Variants in NTM observed in about 807,000 individuals in gnomAD.
NTM encodes the protein IgLON family member 2.
In NTM, 13 loss-of-function variants were observed where a neutral mutation model predicts 42.1. The ratio of observed to expected loss-of-function variants is 0.31; its 90% CI spans 0.20 to 0.49. The LOEUF is 0.49. NTM is among the 20% of genes least tolerant of loss of function. The pLI is 0.99. For synonymous variants in NTM, 187 were observed against 179.2 expected (o/e 1.04, Z -0.35); for missense variants, 373 against 452.8 (o/e 0.82, Z 1.60).
intron 1 of NTM, among the ~76,000 whole-genome samples, chr11:131,457,523 T>C: frequency 6.6e-6 from 1 of 152,158 alleles, no homozygotes; most frequent in South Asian, 2.1e-4. Context: ...TTATTCCATT[T>C]GCCGAAAGGA....
intron 1 of NTM, among the ~76,000 whole-genome samples, chr11:131,399,894 T>C (rs1401570407): frequency 2.6e-5 from 4 of 152,140 alleles, no homozygotes; most frequent in Admixed American, 1.3e-4. Flanking sequence ...TGCTCTGTCA[T>C]GGCGGGAAAA....
intron 2 of NTM, among the ~76,000 whole-genome samples, chr11:131,927,488 A>G (rs1437542544): frequency 6.6e-6 from 1 of 152,136 alleles, no homozygotes; most frequent in Non-Finnish European, 1.5e-5. Context: ...TTTTGTTTGA[A>G]TTTTTATCCA....
At chr11:131,873,799 C>A (rs1320286593) in intron 1 of NTM, among the ~76,000 whole-genome samples, 1 of 142,476 alleles carries the variant, frequency 7.0e-6, no homozygotes, top group East Asian at 2.0e-4. Context: ...CAGGTGCTAT[C>A]TCTCCCCTTG....
chr11:131,522,160 G>T (rs138379881), intron 1 of NTM, among the ~76,000 whole-genome samples: 1 of 152,116 alleles, frequency 6.6e-6, no homozygotes, highest in African/African-American at 2.4e-5. Flanking sequence ...GGTCATCCGG[G>T]ATCTCTTCCC....
intron 2 of NTM, among the ~76,000 whole-genome samples, chr11:132,071,232 T>A (rs2057607459): frequency 7.5e-6 from 1 of 132,696 alleles, no homozygotes; most frequent in South Asian, 2.7e-4. Flanking sequence ...ACAGGTTAGT[T>A]AACACGTCAC....
chr11:132,050,499 G>A (rs912285706), intron 2 of NTM, among the ~76,000 whole-genome samples: 5 of 152,238 alleles, frequency 3.3e-5, no homozygotes, highest in Non-Finnish European at 5.9e-5. Flanking sequence ...GGGAAAGAGA[G>A]AAACTGCCCC....
intron 1 of NTM, among the ~76,000 whole-genome samples, chr11:131,761,971 A>G (rs2084284911): frequency 6.6e-6 from 1 of 152,194 alleles, no homozygotes; most frequent in South Asian, 2.1e-4. Flanking sequence ...AGCCAGGGAG[A>G]GATCCCTGAT....
chr11:131,917,487 C>G (rs1832392068), intron 2 of NTM, among the ~76,000 whole-genome samples: 1 of 152,180 alleles, frequency 6.6e-6, no homozygotes, highest in Non-Finnish European at 1.5e-5. Context: ...ATGACACTTA[C>G]CTTCCTTCTG....
At chr11:131,974,544 G>A (rs369006526) in intron 2 of NTM, among the ~76,000 whole-genome samples, 9 of 152,248 alleles carry the variant, frequency 5.9e-5, no homozygotes, top group African/African-American at 2.2e-4. Flanking sequence ...TGTGAGCATA[G>A]CATAACGTCT....
intron 1 of NTM, among the ~76,000 whole-genome samples, chr11:131,543,071 G>A (rs577085340): frequency 6.6e-6 from 1 of 152,190 alleles, no homozygotes; most frequent in Non-Finnish European, 1.5e-5. Flanking sequence ...GGATGAACAC[G>A]TGACTTCTCT....
intron 1 of NTM, among the ~76,000 whole-genome samples, chr11:131,858,895 C>A (rs1157150994): frequency 2.0e-5 from 3 of 152,216 alleles, no homozygotes; most frequent in African/African-American, 4.8e-5. Flanking sequence ...CTACAGAGGG[C>A]AGCTCAGGTG....
intron 1 of NTM, among the ~76,000 whole-genome samples, chr11:131,885,299 G>A (rs1042151328): frequency 1.3e-5 from 2 of 152,222 alleles, no homozygotes; most frequent in Non-Finnish European, 2.9e-5. Flanking sequence ...GGTGATAAAG[G>A]GAAGAGAGAT....
At chr11:132,005,199 C>G (rs77122146) in intron 2 of NTM, among the ~76,000 whole-genome samples, 1,563 of 152,218 alleles carry the variant, frequency 0.01, 34 homozygotes, top group African/African-American at 0.036. Context: ...CATTCTGCAC[C>G]TCTGGGGATG....
chr11:132,325,134 C>A (rs1359120868), intron 7 of NTM, among the ~76,000 whole-genome samples: 3 of 152,122 alleles, frequency 2.0e-5, no homozygotes, highest in East Asian at 3.9e-4. Context: ...TCTAAAACAC[C>A]AAAAGCAATG....
chr11:131,639,823 G>T (rs2064899471), intron 1 of NTM, among the ~76,000 whole-genome samples: 1 of 152,094 alleles, frequency 6.6e-6, no homozygotes, highest in Non-Finnish European at 1.5e-5. Context: ...GGGTGTGGTG[G>T]CGGGCGCCTG....
chr11:131,643,906 A>G (rs1054004973), intron 1 of NTM, among the ~76,000 whole-genome samples: 3 of 152,300 alleles, frequency 2.0e-5, no homozygotes, highest in Admixed American at 2.0e-4. Context: ...GGTACACACT[A>G]CCACAACATG....
At chr11:131,650,047 C>T (rs2066274222) in intron 1 of NTM, among the ~76,000 whole-genome samples, 1 of 152,178 alleles carries the variant, frequency 6.6e-6, no homozygotes, top group Non-Finnish European at 1.5e-5. Context: ...TTAGGCATCA[C>T]CCTTCTCACT....
At chr11:131,923,800 C>T (rs1016937494) in intron 2 of NTM, among the ~76,000 whole-genome samples, 3 of 152,316 alleles carry the variant, frequency 2.0e-5, no homozygotes, top group East Asian at 1.9e-4. Context: ...TGTACCTTAG[C>T]GCTCTAGAGG....
At chr11:131,657,163 A>AAAG (rs2067304690) in intron 1 of NTM, among the ~76,000 whole-genome samples, 1 of 150,668 alleles carries the variant, frequency 6.6e-6, no homozygotes, top group Non-Finnish European at 1.5e-5. Flanking sequence ...AAAAAAAAAA[A>AAAG]TCATCGAAAT....
Sources: allele counts gnomAD v4.1 joint callset (sites outside exome capture counted in the v4.1 genomes callset), GRCh38; gene constraint gnomAD v4.1.1; transcripts MANE v1.5; gene names NCBI Gene and HGNC (gene_info 2026-07-23, HGNC 2026-07-21).